CEP192: variants seen among roughly 807,000 people sequenced by gnomAD.
CEP192 encodes the protein centrosomal protein of 192 kDa.
In CEP192, 151 loss-of-function variants were observed where a neutral mutation model predicts 271.8. The observed-to-expected ratio is 0.56, with a 90% CI of 0.49 to 0.64. CEP192 has a LOEUF of 0.64. Among genes scored for constraint, CEP192 ranks in the 30% least tolerant of loss-of-function variants. The pLI is 0.00. For missense variants in CEP192, 2,910 were observed against 3,020.5 expected, an observed-to-expected ratio of 0.96 and a Z score of 0.86; for synonymous variants, 995 against 1,076.5, an observed-to-expected ratio of 0.92 and a Z score of 1.48.
intron 15 of CEP192, among the ~76,000 whole-genome samples, chr18:13,047,595 A>G (rs1041219729): frequency 5.3e-5 from 8 of 152,202 alleles, no homozygotes; most frequent in Admixed American, 3.9e-4. Flanking sequence ...GCTTTCAAAG[A>G]TAAGTTTTTG....
Position 13,008,528 on chromosome 18 carries a change from A to G in CEP192, c.363A>G (p.Leu121=), listed in dbSNP as rs370421446. ...ATGCTCTCAGCAAACAGTCAGCTTT[A>G]CAAATGGAGACAGCAGGACCAGAAG... ...LSNALSKQSA[L]QMETAGPEEE... The change falls in exon 4 of 45, where the codon TTA becomes TTG. Residue 121 remains leucine (L), a synonymous_variant. Transcript: ENST00000506447. 372 of 1,551,598 alleles carry G rather than the reference A, an allele frequency of 2.4e-4. 2 individuals are homozygous for G. Among genetic ancestry groups the G allele is most frequent in the Non-Finnish European group, 6.4e-5 (73 of 1,146,890 alleles).
chr18:13,058,495 T>C (rs472702), intron 20 of CEP192: 98,010 of 152,400 alleles, frequency 0.64, 32,134 homozygotes, highest in African/African-American at 0.78. Flanking sequence ...TTCCAGTCCT[T>C]AGGTTAGATG....
At chr18:13,037,389 A>G in intron 12 of CEP192, 88 bp downstream of exon 12, 3 of 602,726 alleles carry the variant, frequency 5.0e-6, no homozygotes, top group Middle Eastern at 5.9e-4. Flanking sequence ...TTCTGAATAT[A>G]TGGTTAGTAT....
At chr18:13,024,044 A>G (rs1343794940) in intron 9 of CEP192, among the ~76,000 whole-genome samples, 1 of 152,058 alleles carries the variant, frequency 6.6e-6, no homozygotes, top group Non-Finnish European at 1.5e-5. Context: ...CTGTGTTGTT[A>G]TTGAATTTCT....
At position 13,030,595 on chromosome 18, in the gene CEP192, C is replaced by T. The variant is rs748115757; in HGVS notation, c.1521C>T (p.Asp507=). 41 of 1,607,126 alleles carry T rather than the reference C, an allele frequency of 2.6e-5. No homozygotes were observed. In the South Asian group the frequency reaches 4.4e-4, roughly 17 times the overall value. The change falls in exon 11 of 45, where the codon GAC becomes GAT. Residue 507 remains aspartate, a synonymous_variant. Coordinates refer to ENST00000506447, the MANE Select transcript of CEP192 (RefSeq NM_032142.4). ...NVSLSDEMNE[D]FRSGSEAFDL... ...CTCTAAGTGATGAGATGAATGAAGA[C>T]TTCAGATCTGGTTGTAAGTATATGG...
At chr18:13,016,489 T>C (rs1341440591) in intron 6 of CEP192, among the ~76,000 whole-genome samples, 1 of 152,238 alleles carries the variant, frequency 6.6e-6, no homozygotes, top group Non-Finnish European at 1.5e-5. Flanking sequence ...GAGCAGGTTT[T>C]GCTATCAAAG....
intron 9 of CEP192, among the ~76,000 whole-genome samples, chr18:13,023,689 T>C (rs2143333712): frequency 6.6e-6 from 1 of 152,236 alleles, no homozygotes; most frequent in Middle Eastern, 3.4e-3. Flanking sequence ...GTCAGTAGTT[T>C]TATTTTTTTG....
chr18:13,002,916 T>C (rs2033741754), intron 3 of CEP192, among the ~76,000 whole-genome samples: 1 of 152,220 alleles, frequency 6.6e-6, no homozygotes, highest in Non-Finnish European at 1.5e-5. Context: ...ATTAAAGATG[T>C]TAACCCTTGT....
At chr18:13,069,712 A>G (rs781636066) in intron 26 of CEP192, 26 bp from the exon 27 acceptor site, 2 of 1,342,126 alleles carry the variant, frequency 1.5e-6, no homozygotes, top group Non-Finnish European at 2.1e-6. Context: ...GTCGGCATTC[A>G]ATTATGATTA....
chr18:13,039,638 AT>A (rs1310907600), intron 13 of CEP192, among the ~76,000 whole-genome samples: 9 of 152,064 alleles, frequency 5.9e-5, no homozygotes, highest in African/African-American at 1.9e-4. Context: ...TGAAGGGAGA[AT>A]GGCAGATGAT....
At chr18:13,116,673 G>A (rs191978833) in intron 43 of CEP192, among the ~76,000 whole-genome samples, 170 bp downstream of exon 43, 5 of 151,974 alleles carry the variant, frequency 3.3e-5, no homozygotes, top group East Asian at 1.9e-4. Context: ...GCAGTGGTGC[G>A]ATCTCGGCTC....
intron 17 of CEP192, among the ~76,000 whole-genome samples, chr18:13,052,197 C>A (rs998905629): frequency 6.6e-6 from 1 of 152,166 alleles, no homozygotes; most frequent in African/African-American, 2.4e-5. Context: ...ATGTGAGACT[C>A]ACTATTTGTC....
chr18:13,105,176 T>C, intron 40 of CEP192, 97 bp downstream of exon 40: 1 of 835,138 alleles, frequency 1.2e-6, no homozygotes, highest in Non-Finnish European at 2.1e-6. Flanking sequence ...CCTGGAGCAG[T>C]GCTACTCACA....
At chr18:13,008,225 A>G (rs1216107696) in intron 3 of CEP192, among the ~76,000 whole-genome samples, 1 of 118,626 alleles carries the variant, frequency 8.4e-6, no homozygotes, top group Non-Finnish European at 1.7e-5. Flanking sequence ...TAGCAGTATG[A>G]CGTTCTTTGA....
intron 34 of CEP192, among the ~76,000 whole-genome samples, chr18:13,093,259 G>T (rs2039236990): frequency 6.6e-6 from 1 of 152,190 alleles, no homozygotes; most frequent in Non-Finnish European, 1.5e-5. Flanking sequence ...TAGTCCACAG[G>T]TTCCATCCAC....
chr18:13,033,216 C>T (rs1670199006), intron 11 of CEP192, among the ~76,000 whole-genome samples: 1 of 152,046 alleles, frequency 6.6e-6, no homozygotes, highest in Admixed American at 6.5e-5. Flanking sequence ...AAGCCCATTC[C>T]CCTAATATAT....
intron 13 of CEP192, among the ~76,000 whole-genome samples, chr18:13,039,448 T>TC (rs2036085337): frequency 2.1e-5 from 2 of 96,236 alleles, no homozygotes; most frequent in Non-Finnish European, 4.1e-5. Context: ...AGAGCGAGAC[T>TC]CCATCTCAAA....
intron 1 of CEP192, among the ~76,000 whole-genome samples, 167 bp from the exon 2 acceptor site, chr18:12,999,254 A>G (rs2033455489): frequency 6.6e-6 from 1 of 152,246 alleles, no homozygotes; most frequent in Non-Finnish European, 1.5e-5. Flanking sequence ...GTAGCAAAGT[A>G]TTCTGAGATT....
chr18:13,039,076 A>G (rs1160167672), intron 13 of CEP192, among the ~76,000 whole-genome samples: 3 of 152,234 alleles, frequency 2.0e-5, no homozygotes, highest in South Asian at 2.1e-4. Context: ...CCTGTAAAGC[A>G]TGAGTGAGGA....
Sources: allele counts gnomAD v4.1 joint callset (sites outside exome capture counted in the v4.1 genomes callset), GRCh38; gene constraint gnomAD v4.1.1; transcripts MANE v1.5; gene names NCBI Gene and HGNC (gene_info 2026-07-23, HGNC 2026-07-21).